NSMCE1: variants seen among roughly 807,000 people sequenced by gnomAD.
The protein encoded by NSMCE1 is non-structural maintenance of chromosomes element 1 homolog.
A neutral mutation model predicts 29.6 loss-of-function variants in NSMCE1; 18 were observed. The ratio of observed to expected loss-of-function variants is 0.61; its 90% CI spans 0.42 to 0.90. NSMCE1 has a LOEUF of 0.90. NSMCE1 is among the 40% of genes least tolerant of loss of function. The probability of loss-of-function intolerance (pLI) is 0.00; values close to 1 mark genes in which losing one functional copy is unlikely to be tolerated. For missense variants in NSMCE1, 314 were observed against 343.6 expected (o/e 0.91, Z 0.68); for synonymous variants, 124 against 133.4 (o/e 0.93, Z 0.49).
chr16:27,247,547 C>T (rs1324040498), intron 2 of NSMCE1, among the ~76,000 whole-genome samples: 4 of 152,210 alleles, frequency 2.6e-5, no homozygotes, highest in African/African-American at 9.7e-5. Flanking sequence ...CCTACCCATC[C>T]TATCCCTCCT....
chr16:27,265,114 T>C (rs1364621965), intron 1 of NSMCE1, among the ~76,000 whole-genome samples: 1 of 150,870 alleles, frequency 6.6e-6, no homozygotes, highest in African/African-American at 2.4e-5. Flanking sequence ...AAAGAATGGC[T>C]GAGGCTGAAA....
rs764712166 is a variant in NSMCE1 at position 27,233,107 on chromosome 16, G to C, written c.377C>G (p.Ser126Cys). ...IIDSETGFAS[S>C]TNILNLVDQL... is the part of the protein sequence containing the mutation. ...ATCAACCAGGTTCAATATGTTTGTG[G>C]AAGACGCAAAGCCGGTTTCTGAGTC... The change falls in exon 5 of 8, where the codon TCC (serine) becomes TGC (cysteine). Residue 126 changes from serine (S) to cysteine (C), a missense_variant. By Grantham distance (112) the Ser-to-Cys change is moderately radical (BLOSUM62 -1). Coordinates refer to ENST00000361439, the MANE Select transcript of NSMCE1 (RefSeq NM_145080.4). 1 of 1,614,110 alleles carries C rather than the reference G, an allele frequency of 6.2e-7. No individual in the cohort carries two copies. The highest frequency in any genetic ancestry group is 1.1e-5 in the South Asian group (1 of 91,068).
intron 2 of NSMCE1, among the ~76,000 whole-genome samples, chr16:27,237,413 C>T (rs1002276522): frequency 7.9e-5 from 12 of 152,232 alleles, no homozygotes; most frequent in African/African-American, 2.4e-4. Flanking sequence ...TGCTGTCTTC[C>T]TCTTCCACAG....
At chr16:27,267,145 AAATC>A (rs2084234959) in intron 1 of NSMCE1, among the ~76,000 whole-genome samples, 1 of 152,166 alleles carries the variant, frequency 6.6e-6, no homozygotes, top group Non-Finnish European at 1.5e-5. Flanking sequence ...AGCATTATAT[AAATC>A]TTTAAAATTC....
rs540084541 is a variant in NSMCE1, at chr16:27,247,912, G to C, written c.136+9523C>G. 2.7e-4 allele frequency among the ~76,000 whole-genome samples: 41 copies of C among 150,480 alleles called. No homozygotes were observed. The South Asian group carries it at 8.1e-3, about 30-fold the overall frequency. On this transcript the variant is annotated intron_variant, in intron 2 of 7. Transcript: ENST00000361439. ...ATTGCAATCCAGCCTGGGCGACAGA[G>C]CAAGACTCTGTCTCAAAAAAAAAAA...
intron 3 of NSMCE1, among the ~76,000 whole-genome samples, 200 bp downstream of exon 3, chr16:27,234,976 CAG>C (rs1381855753): frequency 2.0e-5 from 3 of 152,236 alleles, no homozygotes; most frequent in African/African-American, 7.2e-5. Context: ...GACACTCCTA[CAG>C]AGTTTCTTTT....
intron 2 of NSMCE1, among the ~76,000 whole-genome samples, chr16:27,251,711 G>A (rs1028046055): frequency 6.6e-6 from 1 of 152,110 alleles, no homozygotes; most frequent in African/African-American, 2.4e-5. Flanking sequence ...AAATGTTTGG[G>A]CCGGGCACTA....
intron 5 of NSMCE1, among the ~76,000 whole-genome samples, chr16:27,227,769 G>A (rs903216838): frequency 3.1e-5 from 4 of 131,040 alleles, no homozygotes; most frequent in African/African-American, 1.1e-4. Context: ...TGTCACTCCC[G>A]TTTCTTTTCT....
intron 5 of NSMCE1, among the ~76,000 whole-genome samples, chr16:27,227,294 G>A (rs1164652245): frequency 6.6e-6 from 1 of 152,188 alleles, no homozygotes. Flanking sequence ...CAGCACTTCT[G>A]CCTCCAACTG....
rs753196513 is a variant in NSMCE1, at chr16:27,232,950, T to A, written c.483+51A>T. 6.3e-7 allele frequency: 1 copy of A among 1,592,918 alleles called. No homozygotes were observed. Among genetic ancestry groups the A allele is most frequent in the Non-Finnish European group, 8.6e-7 (1 of 1,168,204 alleles). ...ACAAGTACGATTTTGGAGAAAAAACTGTTATTCACTTGAAAAAGTGAACCA... is the reference window on the plus strand; with the variant it reads ...ACAAGTACGATTTTGGAGAAAAAACAGTTATTCACTTGAAAAAGTGAACCA... On this transcript the variant is annotated intron_variant, in intron 5 of 7. Transcript: ENST00000361439. The surrounding 1 kb of genome is among the most constrained non-coding windows in gnomAD (Gnocchi z 4.5).
intron 1 of NSMCE1, among the ~76,000 whole-genome samples, chr16:27,260,741 C>G (rs1384755046): frequency 6.6e-6 from 1 of 150,824 alleles, no homozygotes; most frequent in South Asian, 2.1e-4. Context: ...CCTCCGTAGT[C>G]CCAGCTATTT....
chr16:27,255,707 T>C (rs775056976), intron 2 of NSMCE1, among the ~76,000 whole-genome samples: 3 of 152,158 alleles, frequency 2.0e-5, no homozygotes, highest in Non-Finnish European at 4.4e-5. Context: ...CCTCCTTCCT[T>C]TGCACACCTT....
In NSMCE1 at chr16:27,225,003, T is replaced by C. The variant is rs1450980863; in HGVS notation, c.*154A>G. ...GAGAACACAGACGGGCTGCAGCAACTTCCCAGGATGGTTTATTCCAAAGCT... is the reference window on the plus strand; with the variant it reads ...GAGAACACAGACGGGCTGCAGCAACCTCCCAGGATGGTTTATTCCAAAGCT... On this transcript the variant is annotated 3_prime_UTR_variant, in exon 8 of 8. Coordinates refer to ENST00000361439, the MANE Select transcript of NSMCE1 (RefSeq NM_145080.4). 1.7e-6 allele frequency: 1 copy of C among 588,822 alleles called. No individual in the cohort carries two copies. Among genetic ancestry groups the C allele is most frequent in the Non-Finnish European group, 3.0e-6 (1 of 328,900 alleles). The allele number at this position is 588,822 out of a possible 1,614,324, so 36.5% of individuals were successfully genotyped here.
chr16:27,251,144 A>T (rs866610686), intron 2 of NSMCE1, among the ~76,000 whole-genome samples: 39 of 133,326 alleles, frequency 2.9e-4, no homozygotes, highest in Middle Eastern at 3.7e-3. Flanking sequence ...CCCAGCCTTA[A>T]TTTTAATTAT....
chr16:27,247,923 T>C (rs1192467331), intron 2 of NSMCE1, among the ~76,000 whole-genome samples: 1 of 148,702 alleles, frequency 6.7e-6, no homozygotes, highest in Non-Finnish European at 1.5e-5. Context: ...CAAGACTCTG[T>C]CTCAAAAAAA....
chr16:27,228,328 C>T (rs2083725130), intron 5 of NSMCE1, among the ~76,000 whole-genome samples: 1 of 152,122 alleles, frequency 6.6e-6, no homozygotes, highest in African/African-American at 2.4e-5. Flanking sequence ...TGCACCGCAG[C>T]TGTTGCTGGT....
chr16:27,248,625 G>T (rs1017145596), intron 2 of NSMCE1, among the ~76,000 whole-genome samples: 1 of 151,858 alleles, frequency 6.6e-6, no homozygotes, highest in African/African-American at 2.4e-5. Flanking sequence ...TGGTCAGGAT[G>T]ATCTCAATCT....
intron 1 of NSMCE1, among the ~76,000 whole-genome samples, chr16:27,267,626 A>G (rs1006814639): frequency 2.4e-4 from 31 of 126,594 alleles, no homozygotes; most frequent in East Asian, 4.0e-4. Context: ...GATGCAGGGG[A>G]AAAAAAAAAA....
chr16:27,245,367 G>C (rs1264314276), intron 2 of NSMCE1, among the ~76,000 whole-genome samples: 3 of 152,204 alleles, frequency 2.0e-5, no homozygotes, highest in African/African-American at 7.2e-5. Context: ...GTACTTCCAC[G>C]CATCAGCACA....
Sources: gnomAD v4.1 joint callset for allele counts (sites outside exome capture counted in the v4.1 genomes callset) on GRCh38, gnomAD v4.1.1 for gene constraint, Gnocchi (gnomAD v3.1) non-coding constraint, MANE v1.5 for transcripts, NCBI Gene and HGNC (gene_info 2026-07-23, HGNC 2026-07-21) for gene names.